DGKB: variants seen among roughly 807,000 people sequenced by gnomAD.
The protein encoded by DGKB is diacylglycerol kinase beta.
DGKB carries 67 observed loss-of-function variants against 114.3 expected under a neutral mutation model. That is an observed-to-expected ratio of 0.59 (90% CI 0.48 to 0.72). The LOEUF is 0.72. Among genes scored for constraint, DGKB ranks in the 30% least tolerant of loss-of-function variants. The pLI, the probability that DGKB is intolerant of heterozygous loss-of-function variation, is 0.00. For synonymous variants in DGKB, 398 were observed against 323.1 expected, an observed-to-expected ratio of 1.23 and a Z score of -2.49; for missense variants, 907 against 975.2, an observed-to-expected ratio of 0.93 and a Z score of 0.93.
At chr7:14,737,940 C>A (rs1288064200) in intron 4 of DGKB, among the ~76,000 whole-genome samples, 1 of 149,428 alleles carries the variant, frequency 6.7e-6, no homozygotes, top group Non-Finnish European at 1.5e-5. Context: ...GTAGAGTGAA[C>A]TATATAACTA....
At chr7:14,559,391 G>A (rs983705293) in intron 20 of DGKB, among the ~76,000 whole-genome samples, 1 of 152,096 alleles carries the variant, frequency 6.6e-6, no homozygotes, top group African/African-American at 2.4e-5. Context: ...ACAGCGTAGA[G>A]GGTAATGGTC....
chr7:14,908,510 G>A (rs1783825994), intron 1 of DGKB, among the ~76,000 whole-genome samples: 1 of 152,126 alleles, frequency 6.6e-6, no homozygotes, highest in Non-Finnish European at 1.5e-5. Flanking sequence ...AAAACACCAT[G>A]CTATCAACTG....
chr7:14,231,621 T>A (rs1791864616), intron 23 of DGKB, among the ~76,000 whole-genome samples: 1 of 151,904 alleles, frequency 6.6e-6, no homozygotes, highest in African/African-American at 2.4e-5. Context: ...ATTGCACATA[T>A]GTGTGTGTGA....
chr7:14,718,020 G>T (rs1828504309), intron 6 of DGKB, among the ~76,000 whole-genome samples: 1 of 152,150 alleles, frequency 6.6e-6, no homozygotes, highest in South Asian at 2.1e-4. Flanking sequence ...ATTGTTTAAT[G>T]ATTTATAATA....
At chr7:14,325,487 TA>T (rs1267003550) in intron 23 of DGKB, among the ~76,000 whole-genome samples, 1 of 152,220 alleles carries the variant, frequency 6.6e-6, no homozygotes, top group Non-Finnish European at 1.5e-5. Flanking sequence ...GAAGGCATTC[TA>T]ATCATCCCAA....
At chr7:14,951,464 G>T (rs1039508736) in intron 1 of DGKB, among the ~76,000 whole-genome samples, 1 of 152,072 alleles carries the variant, frequency 6.6e-6, no homozygotes, top group Non-Finnish European at 1.5e-5. Flanking sequence ...TATGAAGACA[G>T]TAAAAACATC....
At chr7:14,446,440 A>G (rs775282743) in intron 21 of DGKB, among the ~76,000 whole-genome samples, 1 of 152,086 alleles carries the variant, frequency 6.6e-6, no homozygotes, top group East Asian at 1.9e-4. Flanking sequence ...TTAAACAGAA[A>G]TTCACCTTGT....
chr7:14,833,719 T>C (rs558733761), intron 2 of DGKB, among the ~76,000 whole-genome samples: 4 of 152,110 alleles, frequency 2.6e-5, no homozygotes, highest in Non-Finnish European at 5.9e-5. Flanking sequence ...TACACAAATA[T>C]GTCTATACAC....
chr7:14,357,689 C>A (rs1198288892), intron 21 of DGKB, among the ~76,000 whole-genome samples: 1 of 152,114 alleles, frequency 6.6e-6, no homozygotes, highest in Non-Finnish European at 1.5e-5. Flanking sequence ...TTCTTCATAG[C>A]ATTGATGGTC....
intron 23 of DGKB, among the ~76,000 whole-genome samples, chr7:14,205,508 A>T (rs993003911): frequency 3.9e-5 from 6 of 151,946 alleles, no homozygotes; most frequent in African/African-American, 1.5e-4. Flanking sequence ...TTGGCTCATA[A>T]CATATTATGT....
intron 2 of DGKB, among the ~76,000 whole-genome samples, chr7:14,822,667 G>A (rs1261502248): frequency 1.3e-5 from 2 of 152,068 alleles, no homozygotes; most frequent in Non-Finnish European, 2.9e-5. Flanking sequence ...GAGGTTGATA[G>A]AATCATAGAG....
At chr7:14,352,048 T>C (rs989483668) in intron 21 of DGKB, among the ~76,000 whole-genome samples, 2 of 152,176 alleles carry the variant, frequency 1.3e-5, no homozygotes, top group Admixed American at 1.3e-4. Flanking sequence ...GATATAAATT[T>C]ATTCAAATGA....
intron 23 of DGKB, among the ~76,000 whole-genome samples, chr7:14,221,304 G>T (rs7802379): frequency 1.8e-3 from 277 of 151,352 alleles, no homozygotes; most frequent in African/African-American, 6.2e-3. Flanking sequence ...TATGATATTA[G>T]TTGTGGGTTT....
chr7:14,285,935 C>G (rs1438288453), intron 23 of DGKB, among the ~76,000 whole-genome samples: 4 of 152,080 alleles, frequency 2.6e-5, no homozygotes, highest in South Asian at 4.1e-4. Context: ...GTGTTTGGAT[C>G]TACCTTTTCT....
At chr7:14,450,264 G>A (rs1831290231) in intron 21 of DGKB, among the ~76,000 whole-genome samples, 1 of 152,032 alleles carries the variant, frequency 6.6e-6, no homozygotes, top group Non-Finnish European at 1.5e-5. Context: ...ATCTTCATAG[G>A]GATGCCACTG....
intron 5 of DGKB, among the ~76,000 whole-genome samples, chr7:14,722,997 C>CTTTATTTATTTATTTATTTA (rs61621101): frequency 0.021 from 3,056 of 148,018 alleles, 95 homozygotes; most frequent in African/African-American, 0.071. Context: ...CTACTCTACC[C>CTTTATTTATTTATTTATTTA]TTTATTTATT....
chr7:14,179,563 C>G (rs1782327091), intron 23 of DGKB, among the ~76,000 whole-genome samples: 1 of 152,124 alleles, frequency 6.6e-6, no homozygotes, highest in Non-Finnish European at 1.5e-5. Flanking sequence ...AGTGCTCACT[C>G]CTCACTAATG....
At position 14,899,293 on chromosome 7, in the gene DGKB, G is replaced by A. The variant is rs367968444; in HGVS notation, c.-188+3299C>T. The stretch of plus-strand genomic sequence containing the variant: ...TTCAGTCAGCATCTGGCCTTTCTCC[G>A]CCACTTGTCTTTGAATCATTGTTTT... On this transcript the variant is annotated intron_variant, in intron 1 of 25. Coordinates refer to ENST00000402815, the MANE Select transcript of DGKB (RefSeq NM_001350709.2). 2.6e-5 allele frequency among the ~76,000 whole-genome samples: 4 copies of A among 152,098 alleles called. No homozygotes were observed. In the East Asian group the frequency reaches 5.8e-4, roughly 22 times the overall value.
chr7:14,883,006 G>A (rs1316966111), intron 1 of DGKB, among the ~76,000 whole-genome samples: 1 of 151,888 alleles, frequency 6.6e-6, no homozygotes, highest in Non-Finnish European at 1.5e-5. Flanking sequence ...GGCTATCTGA[G>A]AGTAGGGTAA....
Sources: allele counts gnomAD v4.1 joint callset (sites outside exome capture counted in the v4.1 genomes callset), GRCh38; gene constraint gnomAD v4.1.1; transcripts MANE v1.5; gene names NCBI Gene and HGNC (gene_info 2026-07-23, HGNC 2026-07-21).